ARHGEF3: variants seen among roughly 807,000 people sequenced by gnomAD.
ARHGEF3 encodes Rho guanine nucleotide exchange factor 3, also known as 59.8 kDA protein.
In ARHGEF3, 28 loss-of-function variants were observed where a neutral mutation model predicts 63.2. The observed-to-expected ratio is 0.44, with a 90% CI of 0.33 to 0.61. The LOEUF (loss-of-function observed/expected upper bound fraction) is 0.61, where lower values mean the gene tolerates loss of function less well. Among genes scored for constraint, ARHGEF3 ranks in the 20% least tolerant of loss-of-function variants. The pLI is 0.03. For missense variants in ARHGEF3, 533 were observed against 659.3 expected, an observed-to-expected ratio of 0.81 and a Z score of 2.10; for synonymous variants, 266 against 254.2, an observed-to-expected ratio of 1.05 and a Z score of -0.44.
Position 56,729,057 on chromosome 3 carries a change from C to T in ARHGEF3, c.*213G>A, listed in dbSNP as rs557998572. ...CATCCATCCAGACACTTGGGAAATA[C>T]AACACAGGGTAATAGTTGCCACAGA... On this transcript the variant is annotated 3_prime_UTR_variant, in exon 10 of 10. Transcript: ENST00000296315. 2 of 512,998 alleles carry T rather than the reference C, an allele frequency of 3.9e-6. No individual in the cohort carries two copies. Among genetic ancestry groups the T allele is most frequent in the East Asian group, 6.4e-5 (2 of 31,488 alleles). The allele number at this position is 512,998 out of a possible 1,614,324, so 31.8% of individuals were successfully genotyped here.
chr3:57,031,822 G>A (rs1703747239), intron 2 of ARHGEF3, among the ~76,000 whole-genome samples: 1 of 152,184 alleles, frequency 6.6e-6, no homozygotes, highest in Non-Finnish European at 1.5e-5. Flanking sequence ...TGATGCTGTG[G>A]AAAGAGCCAG....
At position 56,983,621 on chromosome 3, in the gene ARHGEF3, G is replaced by A. The variant is rs149023231; in HGVS notation, c.63-24732C>T. 2.3e-4 allele frequency among the ~76,000 whole-genome samples: 35 copies of A among 152,242 alleles called. No individual in the cohort carries two copies. In the East Asian group the frequency reaches 6.4e-3, roughly 28 times the overall value. ...CCCCTTCTGCAGGGTCAGCATGCTG[G>A]GTCAGGTTCATGTCTCCTTTTAAAA... On this transcript the variant is annotated intron_variant, in intron 2 of 12. Transcript: ENST00000338458.
intron 4 of ARHGEF3, among the ~76,000 whole-genome samples, chr3:56,856,293 T>C (rs1320388653): frequency 1.3e-5 from 2 of 152,242 alleles, no homozygotes; most frequent in African/African-American, 4.8e-5. Flanking sequence ...GTCTAGTATC[T>C]GTCTATAAGG....
chr3:57,068,154 C>A (rs185397084), intron 1 of ARHGEF3, among the ~76,000 whole-genome samples: 3 of 88,416 alleles, frequency 3.4e-5, no homozygotes, highest in African/African-American at 1.4e-4. Context: ...TTCAGATATG[C>A]GCGCACACAC....
intron 1 of ARHGEF3, among the ~76,000 whole-genome samples, chr3:57,067,613 T>A (rs1348565770): frequency 6.7e-6 from 1 of 150,218 alleles, no homozygotes; most frequent in Non-Finnish European, 1.5e-5. Context: ...GGCCAGAAAA[T>A]CACATGAGGC....
At chr3:56,956,814 T>G (rs1306203199) in intron 3 of ARHGEF3, among the ~76,000 whole-genome samples, 1 of 152,234 alleles carries the variant, frequency 6.6e-6, no homozygotes, top group Non-Finnish European at 1.5e-5. Context: ...AAGGCTAACT[T>G]GCTCACAAGA....
chr3:56,746,865 G>A (rs979874961), intron 6 of ARHGEF3, among the ~76,000 whole-genome samples: 1 of 152,144 alleles, frequency 6.6e-6, no homozygotes, highest in Non-Finnish European at 1.5e-5. Flanking sequence ...AGGATACCAG[G>A]AAAGTAATAT....
chr3:56,998,384 C>T (rs1372281002), intron 2 of ARHGEF3, among the ~76,000 whole-genome samples: 1 of 151,526 alleles, frequency 6.6e-6, no homozygotes, highest in African/African-American at 2.4e-5. Flanking sequence ...TGGCTTGGCT[C>T]CTTCTCTTCC....
intron 3 of ARHGEF3, among the ~76,000 whole-genome samples, chr3:56,905,039 C>T (rs535471830): frequency 1.0e-3 from 154 of 152,266 alleles, no homozygotes; most frequent in Middle Eastern, 3.4e-3. Context: ...CACTCATTCA[C>T]GCCTTTGAGC....
Position 56,801,947 on chromosome 3 carries a change from A to G in ARHGEF3, c.-149T>C. ...CCGGCTTCTAGCCGGGCAGGACTCG[A>G]CTGGGCTCCGGAGCCGAGTGGGCGG... is the stretch of plus-strand genomic sequence containing the variant. On this transcript the variant is annotated 5_prime_UTR_variant, in exon 1 of 10. Coordinates refer to ENST00000296315, the MANE Select transcript of ARHGEF3 (RefSeq NM_019555.3). The G allele has an allele frequency of 6.8e-7, 1 of 1,481,042 alleles. No individual in the cohort carries two copies. Among genetic ancestry groups the G allele is most frequent in the Admixed American group, 2.0e-5 (1 of 49,230 alleles). 91.7% of individuals were successfully genotyped at this position (1,481,042 alleles called of 1,614,324 possible).
At chr3:56,882,297 T>C (rs544402838) in exon 4 of ARHGEF3, 3 of 1,551,868 alleles carry the variant, frequency 1.9e-6, no homozygotes, top group Non-Finnish European at 2.6e-6. Context: ...CTTACACTTA[T>C]GTCGAGACTG....
intron 1 of ARHGEF3, among the ~76,000 whole-genome samples, chr3:56,799,992 G>A (rs990163290): frequency 9.9e-5 from 15 of 152,098 alleles, no homozygotes; most frequent in African/African-American, 3.6e-4. Context: ...ATATTTTATA[G>A]TCTAGATCCA....
At chr3:56,892,879 C>A (rs1009092145) in intron 3 of ARHGEF3, among the ~76,000 whole-genome samples, 1 of 152,316 alleles carries the variant, frequency 6.6e-6, no homozygotes, top group East Asian at 1.9e-4. Flanking sequence ...AACGGGCAGG[C>A]CTTTAACCCT....
At chr3:57,071,039 T>C (rs1305930525) in intron 1 of ARHGEF3, among the ~76,000 whole-genome samples, 1 of 151,404 alleles carries the variant, frequency 6.6e-6, no homozygotes, top group Non-Finnish European at 1.5e-5. Flanking sequence ...GGATTCATAC[T>C]TCCTGATTTC....
chr3:56,859,699 A>AT (rs71072200), intron 4 of ARHGEF3, among the ~76,000 whole-genome samples: 30 of 142,172 alleles, frequency 2.1e-4, no homozygotes, highest in African/African-American at 6.7e-4. Flanking sequence ...CACCAGGCTA[A>AT]TTTTTTTTTT....
At chr3:57,042,845 C>T (rs1488094690) in intron 1 of ARHGEF3, among the ~76,000 whole-genome samples, 2 of 149,576 alleles carry the variant, frequency 1.3e-5, no homozygotes, top group Non-Finnish European at 3.0e-5. Flanking sequence ...TACAGGCGCC[C>T]GCCACCATGC....
chr3:56,863,156 G>A (rs1212128785), intron 4 of ARHGEF3, among the ~76,000 whole-genome samples: 1 of 139,358 alleles, frequency 7.2e-6, no homozygotes, highest in East Asian at 2.1e-4. Context: ...TTTTTTTTTT[G>A]AGACAGAGTC....
At chr3:56,909,992 A>C (rs927495697) in intron 3 of ARHGEF3, among the ~76,000 whole-genome samples, 1 of 152,138 alleles carries the variant, frequency 6.6e-6, no homozygotes, top group African/African-American at 2.4e-5. Flanking sequence ...CGTGAGTAGT[A>C]CTGTCCAGAA....
chr3:56,848,884 G>A (rs143443865), intron 4 of ARHGEF3, among the ~76,000 whole-genome samples: 13 of 152,190 alleles, frequency 8.5e-5, no homozygotes, highest in African/African-American at 7.2e-5. Flanking sequence ...GGCCAGGCTC[G>A]TCTCCAACTC....
Sources: gnomAD v4.1 joint callset for allele counts (sites outside exome capture counted in the v4.1 genomes callset) on GRCh38, gnomAD v4.1.1 for gene constraint, MANE v1.5 for transcripts, NCBI Gene and HGNC (gene_info 2026-07-23, HGNC 2026-07-21) for gene names.